The following EIF2B5 variants were observed in gnomAD, a reference collection of about 807,000 sequenced individuals.
EIF2B5 encodes the protein translation initiation factor eIF2B subunit epsilon.
Under a neutral mutation model 87.3 loss-of-function variants are expected in EIF2B5, and 38 were observed. The observed-to-expected ratio is 0.44, with a 90% confidence interval of 0.34 to 0.57. The LOEUF (loss-of-function observed/expected upper bound fraction) is 0.57, where lower values mean the gene tolerates loss of function less well. Among genes scored for constraint, EIF2B5 ranks in the 20% least tolerant of loss-of-function variants. EIF2B5 has a pLI of 0.02. For synonymous variants in EIF2B5, 313 were observed against 339.6 expected, an observed-to-expected ratio of 0.92 and a Z score of 0.86; for missense variants, 784 against 909.5, an observed-to-expected ratio of 0.86 and a Z score of 1.78.
intron 5 of EIF2B5, 78 bp from the exon 6 acceptor site, chr3:184,140,002 A>G (rs1713551580): frequency 1.6e-6 from 2 of 1,212,702 alleles, no homozygotes; most frequent in Non-Finnish European, 2.4e-6. Context: ...CAGCCTGGGC[A>G]ACAGAGCTAG....
At position 184,140,440 on chromosome 3, in the gene EIF2B5, T is replaced by C; in HGVS notation, c.866T>C (p.Met289Thr). The stretch of plus-strand genomic sequence containing the variant: ...CAGATCCTAGGGAACCAGATCCACA[T>C]GCACGTAACAGCTAAGGAATATGGT... ...NEEILGNQIH[M>T]HVTAKEYGAR... Residue 289 changes from methionine (M) to threonine (T), a missense_variant, in exon 7 of 16, where the codon ATG becomes ACG. Met to Thr is a moderately conservative substitution (Grantham distance 81). Coordinates refer to ENST00000648915, the MANE Select transcript of EIF2B5 (RefSeq NM_003907.3). The C allele has an allele frequency of 1.2e-6, 2 of 1,614,126 alleles. No individual in the cohort carries two copies. The highest frequency in any genetic ancestry group is 1.7e-6 in the Non-Finnish European group (2 of 1,179,998).
At chr3:184,137,327 G>A (rs1372251656) in intron 2 of EIF2B5, 2 of 492,876 alleles carry the variant, frequency 4.1e-6, no homozygotes, top group African/African-American at 1.9e-5. Flanking sequence ...AGGCTACTTT[G>A]TGTACCCTAG....
intron 2 of EIF2B5, chr3:184,137,022 T>C (rs1713392441): frequency 4.6e-6 from 2 of 434,124 alleles, no homozygotes; most frequent in Non-Finnish European, 8.4e-6. Flanking sequence ...ATGGCTTCAG[T>C]ATGGAAGTTA....
rs1358667083 is a variant in EIF2B5, at chr3:184,136,804, C to G, written c.320+68C>G. 7.5e-6 allele frequency: 12 copies of G among 1,608,102 alleles called. No individual in the cohort carries two copies. The highest frequency in any genetic ancestry group is 1.3e-5 in the African/African-American group (1 of 74,766). On this transcript the variant is annotated intron_variant, in intron 2 of 15. Coordinates refer to ENST00000648915, the MANE Select transcript of EIF2B5 (RefSeq NM_003907.3). ...TCCAGTTTTTTCAGGATGAATGTAA[C>G]TAAGGGGAAATGTGAGAGGGGAAAA... is the stretch of plus-strand genomic sequence containing the variant.
rs1368096358 is a variant in EIF2B5, at chr3:184,145,070, C to T, written c.*127C>T. The T allele has an allele frequency of 2.3e-6, 2 of 854,076 alleles. No individual in the cohort carries two copies. Among genetic ancestry groups the T allele is most frequent in the African/African-American group, 3.3e-5 (2 of 60,232 alleles). 52.9% of individuals were successfully genotyped at this position (854,076 alleles called of 1,614,324 possible). ...AGGCTGAGACTGAAAGGAGCAGAGG[C>T]TGGAACTACAGTATTCTTTCCCCTG... On this transcript the variant is annotated 3_prime_UTR_variant, in exon 16 of 16. Transcript: ENST00000648915. This position sits in a 1 kb window ranked among gnomAD's most constrained non-coding sequence, Gnocchi z 4.0.
Position 184,140,117 on chromosome 3 carries a change from C to G in EIF2B5, c.803C>G (p.Thr268Ser). The G allele has an allele frequency of 6.2e-7, 1 of 1,613,614 alleles. No individual in the cohort carries two copies. The highest frequency in any genetic ancestry group is 8.5e-7 in the Non-Finnish European group (1 of 1,179,720). ...QLFTDNFDYQ[T>S]RDDFVRGLLV... ...TTTACAGACAACTTTGACTACCAAA[C>G]TCGAGATGACTTTGTGCGAGGTCTC... The change falls in exon 6 of 16, where the codon ACT (threonine) becomes AGT (serine). Residue 268 changes from threonine to serine, a missense_variant. Physicochemically the swap from Thr to Ser is moderately conservative, Grantham distance 58. This residue lies in a region of EIF2B5 where 660 missense variants were observed against 789.5 expected (regional missense o/e 0.84). Transcript: ENST00000648915.
At chr3:184,144,521 G>A in intron 14 of EIF2B5, 76 bp from the exon 15 acceptor site, 3 of 1,325,792 alleles carry the variant, frequency 2.3e-6, no homozygotes, top group Non-Finnish European at 3.2e-6. Flanking sequence ...AGTGCATAGA[G>A]GGATCTGAGG....
At chr3:184,144,328 A>T in intron 14 of EIF2B5, 104 bp downstream of exon 14, 1 of 1,543,976 alleles carries the variant, frequency 6.5e-7, no homozygotes, top group African/African-American at 1.4e-5. Flanking sequence ...TCCAGTATGG[A>T]CCATCCACTC....
chr3:184,143,671 C>T (rs1167437496), intron 13 of EIF2B5, 106 bp downstream of exon 13: 2 of 1,558,162 alleles, frequency 1.3e-6, no homozygotes, highest in Non-Finnish European at 1.7e-6. Flanking sequence ...GTTCCTTTTT[C>T]CTTGCCTCTG....
intron 12 of EIF2B5, 89 bp downstream of exon 12, chr3:184,143,231 A>G: frequency 6.6e-7 from 1 of 1,511,032 alleles, no homozygotes; most frequent in Non-Finnish European, 9.1e-7. Context: ...ATAGGAACCT[A>G]TTCCTTCGAC....
Position 184,135,734 on chromosome 3 carries a change from A to G in EIF2B5, c.195+154A>G, listed in dbSNP as rs1713322142. 3.7e-6 allele frequency: 4 copies of G among 1,077,972 alleles called. No homozygotes were observed. In the South Asian group the frequency reaches 4.4e-5, roughly 12 times the overall value. The allele number at this position is 1,077,972 out of a possible 1,614,324, so 66.8% of individuals were successfully genotyped here. A position where few individuals can be genotyped will look rare whatever the true frequency, so the allele number is the denominator to read the frequency against. Reference sequence around the variant, plus strand: ...ATGCAGAGGGACTGTCTAAACCCTGATGACTGCTGACCAAGTTAGTGGCCG... The same window carrying G: ...ATGCAGAGGGACTGTCTAAACCCTGGTGACTGCTGACCAAGTTAGTGGCCG... On this transcript the variant is annotated intron_variant, in intron 1 of 15. Coordinates refer to ENST00000648915, the MANE Select transcript of EIF2B5 (RefSeq NM_003907.3).
At chr3:184,141,745 G>A (rs1427808637) in intron 7 of EIF2B5, among the ~76,000 whole-genome samples, 180 bp from the exon 8 acceptor site, 1 of 152,102 alleles carries the variant, frequency 6.6e-6, no homozygotes, top group Non-Finnish European at 1.5e-5. Context: ...TGTAAACTTG[G>A]TGAAGTATCT....
chr3:184,136,317 TA>T (rs1713356677), intron 1 of EIF2B5, among the ~76,000 whole-genome samples: 1 of 152,200 alleles, frequency 6.6e-6, no homozygotes, highest in Non-Finnish European at 1.5e-5. Flanking sequence ...TTTATGGAAA[TA>T]TGATTGATTT....
chr3:184,144,523 G>A, intron 14 of EIF2B5, 74 bp from the exon 15 acceptor site: 1 of 1,346,192 alleles, frequency 7.4e-7, no homozygotes, highest in Non-Finnish European at 1.1e-6. Flanking sequence ...TGCATAGAGG[G>A]ATCTGAGGGC....
intron 6 of EIF2B5, 95 bp from the exon 7 acceptor site, chr3:184,140,323 G>A (rs989810080): frequency 6.8e-7 from 1 of 1,467,814 alleles, no homozygotes. Context: ...GGCAGTGAGA[G>A]GCAGAGGGGA....
chr3:184,143,850 C>A, intron 13 of EIF2B5: 2 of 682,888 alleles, frequency 2.9e-6, no homozygotes, highest in Non-Finnish European at 4.9e-6. Context: ...TGACCCAACA[C>A]AAGATCAGCC....
chr3:184,145,224 T>C lies in EIF2B5; in HGVS notation c.*281T>C, dbSNP rs993996644. On this transcript the variant is annotated 3_prime_UTR_variant, in exon 16 of 16. Coordinates refer to ENST00000648915, the MANE Select transcript of EIF2B5 (RefSeq NM_003907.3). This position sits in a 1 kb window ranked among gnomAD's most constrained non-coding sequence, Gnocchi z 4.0. ...GAGGAAGGCCAGAGGAACAGCTTTG[T>C]GCTCCGGCTTTCCCTCAGGGAACAG... 3.4e-5 allele frequency: 18 copies of C among 530,868 alleles called. No individual in the cohort carries two copies. The highest frequency in any genetic ancestry group is 5.8e-5 in the Non-Finnish European group (17 of 293,090). 32.9% of individuals were successfully genotyped at this position (530,868 alleles called of 1,614,324 possible). A position where few individuals can be genotyped will look rare whatever the true frequency, so the allele number is the denominator to read the frequency against.
intron 2 of EIF2B5, 182 bp downstream of exon 2, chr3:184,136,918 C>T: frequency 4.9e-6 from 4 of 817,482 alleles, no homozygotes; most frequent in Non-Finnish European, 7.8e-6. Flanking sequence ...ATCTGTCTGT[C>T]TTGGGTTTTC....
At chr3:184,144,542 G>A in intron 14 of EIF2B5, 55 bp from the exon 15 acceptor site, 7 of 1,502,922 alleles carry the variant, frequency 4.7e-6, no homozygotes, top group African/African-American at 1.4e-5. Flanking sequence ...GCCTGGTAGA[G>A]TATCCTGCTG....
Sources: gnomAD v4.1 joint callset for allele counts (sites outside exome capture counted in the v4.1 genomes callset) on GRCh38, gnomAD v4.1.1 for gene constraint, gnomAD v4.1.1 regional missense constraint, Gnocchi (gnomAD v3.1) non-coding constraint, MANE v1.5 for transcripts, NCBI Gene and HGNC (gene_info 2026-07-23, HGNC 2026-07-21) for gene names.